Variants in FMN1 observed in about 807,000 individuals in gnomAD.
FMN1 encodes the protein formin-1.
A neutral mutation model predicts 132.4 loss-of-function variants in FMN1; 110 were observed. The observed-to-expected ratio is 0.83, with a 90% CI of 0.71 to 0.97. FMN1 has a LOEUF of 0.97. Among genes scored for constraint, FMN1 ranks in the 50% least tolerant of loss-of-function variants. The pLI, the probability that FMN1 is intolerant of heterozygous loss-of-function variation, is 0.00. For missense variants in FMN1, 1,792 were observed against 1,705.3 expected, an observed-to-expected ratio of 1.05 and a Z score of -0.90; for synonymous variants, 722 against 651.7, an observed-to-expected ratio of 1.11 and a Z score of -1.64.
chr15:33,089,089 T>A (rs950916180), intron 4 of FMN1, 115 bp from the exon 5 acceptor site: 8 of 808,138 alleles, frequency 9.9e-6, no homozygotes, highest in African/African-American at 8.7e-5. Flanking sequence ...TACTTTGCTT[T>A]CTAAGTTATA....
rs1313051805 is a variant in FMN1 at position 32,888,297 on chromosome 15, G to C, written c.3715-5C>G. On this transcript the variant is annotated splice_region_variant and splice_polypyrimidine_tract_variant and intron_variant, in intron 15 of 20. Coordinates refer to ENST00000616417, the MANE Select transcript of FMN1 (RefSeq NM_001277313.2). ...ACTCTTTTCTGTTCCAGCTTCCTAA[G>C]AGATATGGTAAACAAAAGTACATTA... 5.6e-6 allele frequency: 9 copies of C among 1,603,530 alleles called. No homozygotes were observed. The highest frequency in any genetic ancestry group is 7.7e-6 in the Non-Finnish European group (9 of 1,176,314).
At chr15:32,874,020 T>G (rs991811176) in intron 16 of FMN1, among the ~76,000 whole-genome samples, 5 of 146,190 alleles carry the variant, frequency 3.4e-5, no homozygotes, top group African/African-American at 5.2e-5. Flanking sequence ...TTTAGTTGTT[T>G]TTTTTTTTTT....
At chr15:33,118,696 C>T (rs1387923047) in intron 4 of FMN1, among the ~76,000 whole-genome samples, 1 of 151,968 alleles carries the variant, frequency 6.6e-6, no homozygotes, top group Non-Finnish European at 1.5e-5. Context: ...AAACAATTTC[C>T]ATATGAAATA....
intron 4 of FMN1, among the ~76,000 whole-genome samples, chr15:33,089,852 T>A (rs1470632060): frequency 6.6e-6 from 1 of 152,184 alleles, no homozygotes; most frequent in East Asian, 1.9e-4. Flanking sequence ...AACAAAAGGA[T>A]TTTACGGTCA....
chr15:32,823,152 GTTTTTTTTTTTTTT>G (rs373185751), intron 17 of FMN1, among the ~76,000 whole-genome samples: 106 of 86,204 alleles, frequency 1.2e-3, no homozygotes, highest in Middle Eastern at 0.018. Context: ...AGTTTCTACT[GTTTTTTTTTTTTTT>G]TTTTTTTTTT....
chr15:32,846,229 G>A (rs764248122), intron 17 of FMN1, among the ~76,000 whole-genome samples: 10 of 152,122 alleles, frequency 6.6e-5, no homozygotes, highest in Non-Finnish European at 1.5e-4. Flanking sequence ...AAAAAGTATT[G>A]CTTAATCTAA....
chr15:33,049,933 G>T (rs2036889733), intron 6 of FMN1, among the ~76,000 whole-genome samples: 1 of 152,118 alleles, frequency 6.6e-6, no homozygotes, highest in South Asian at 2.1e-4. Flanking sequence ...ATTGTTTATT[G>T]TTCAATTAAA....
At chr15:33,053,416 C>T (rs929347570) in intron 6 of FMN1, among the ~76,000 whole-genome samples, 2 of 152,200 alleles carry the variant, frequency 1.3e-5, no homozygotes, top group African/African-American at 4.8e-5. Flanking sequence ...CCAAACCCTG[C>T]ACTCGTTCAC....
intron 17 of FMN1, among the ~76,000 whole-genome samples, chr15:32,808,004 T>A (rs528437927): frequency 6.6e-6 from 1 of 152,294 alleles, no homozygotes; most frequent in Admixed American, 6.5e-5. Context: ...CACAAATACA[T>A]GACCTGGAAG....
At chr15:33,020,041 G>C (rs1029957452) in intron 6 of FMN1, among the ~76,000 whole-genome samples, 1 of 152,138 alleles carries the variant, frequency 6.6e-6, no homozygotes. Flanking sequence ...ATGCTTTCTA[G>C]TAAACCAGGA....
intron 3 of FMN1, among the ~76,000 whole-genome samples, chr15:33,171,615 T>A (rs923953913): frequency 2.0e-5 from 3 of 152,198 alleles, no homozygotes; most frequent in Non-Finnish European, 2.9e-5. Context: ...GGAATTTAAT[T>A]ATTAATGGAG....
At position 32,769,178 on chromosome 15, in the gene FMN1, G is replaced by T. The variant is rs1405059464; in HGVS notation, c.*5132C>A. ...CCAGCTGCCATTTTAATATCTTCATGTTTCCAAGTTGTTAACTACACGTTT... is the reference window on the plus strand; with the variant it reads ...CCAGCTGCCATTTTAATATCTTCATTTTTCCAAGTTGTTAACTACACGTTT... On this transcript the variant is annotated 3_prime_UTR_variant, in exon 21 of 21. Transcript: ENST00000616417. The T allele has an allele frequency of 1.3e-5, 2 of 152,158 alleles. No homozygotes were observed. Among genetic ancestry groups the T allele is most frequent in the Non-Finnish European group, 2.9e-5 (2 of 68,042 alleles). 9.4% of individuals were successfully genotyped at this position (152,158 alleles called of 1,614,324 possible).
chr15:32,774,250 CAA>C lies in FMN1; in HGVS notation c.*58_*59del. Reference sequence around the variant, plus strand: ...AGAACGTCCTGCAACCCTGTGGTCACAAAGAGTATGCGTGCAAGGTCCTCCAC... The same window carrying C: ...AGAACGTCCTGCAACCCTGTGGTCACAGAGTATGCGTGCAAGGTCCTCCAC... On this transcript the variant is annotated 3_prime_UTR_variant, in exon 21 of 21. Coordinates refer to ENST00000616417, the MANE Select transcript of FMN1 (RefSeq NM_001277313.2). 1 of 1,319,708 alleles carries C rather than the reference CAA, an allele frequency of 7.6e-7. No homozygotes were observed. Among genetic ancestry groups the C allele is most frequent in the East Asian group, 2.4e-5 (1 of 42,228 alleles). The allele number at this position is 1,319,708 out of a possible 1,614,324, so 81.7% of individuals were successfully genotyped here. A position where few individuals can be genotyped will look rare whatever the true frequency, so the allele number is the denominator to read the frequency against.
At chr15:32,977,747 A>C (rs1234876891) in intron 7 of FMN1, among the ~76,000 whole-genome samples, 1 of 152,216 alleles carries the variant, frequency 6.6e-6, no homozygotes, top group East Asian at 1.9e-4. Context: ...GTATTATCTA[A>C]GCAATATAAA....
chr15:33,066,147 A>T (rs978614225), intron 5 of FMN1, among the ~76,000 whole-genome samples: 1 of 152,182 alleles, frequency 6.6e-6, no homozygotes, highest in Non-Finnish European at 1.5e-5. Context: ...GCGGAGGTAT[A>T]ATTAAGGGGT....
At chr15:33,150,702 G>A (rs1017433292) in intron 4 of FMN1, 66 of 985,424 alleles carry the variant, frequency 6.7e-5, no homozygotes, top group African/African-American at 3.3e-4. Context: ...GATTACTTTT[G>A]CCAGACTTAA....
intron 6 of FMN1, among the ~76,000 whole-genome samples, chr15:33,011,484 A>G (rs926840999): frequency 2.6e-5 from 4 of 152,046 alleles, no homozygotes; most frequent in African/African-American, 9.7e-5. Flanking sequence ...TATAAAATTT[A>G]TCTTATAGCA....
intron 4 of FMN1, among the ~76,000 whole-genome samples, chr15:33,127,078 CTG>C (rs1448032694): frequency 6.6e-6 from 1 of 152,172 alleles, no homozygotes; most frequent in South Asian, 2.1e-4. Flanking sequence ...TTTCCAGGCA[CTG>C]TATCAGGAGC....
At chr15:33,162,772 G>A (rs1299606631) in intron 3 of FMN1, among the ~76,000 whole-genome samples, 2 of 152,152 alleles carry the variant, frequency 1.3e-5, no homozygotes, top group Non-Finnish European at 2.9e-5. Context: ...TCAAGAATGA[G>A]GAGCTGGGGA....
Sources: allele counts gnomAD v4.1 joint callset (sites outside exome capture counted in the v4.1 genomes callset), GRCh38; gene constraint gnomAD v4.1.1; transcripts MANE v1.5; gene names NCBI Gene and HGNC (gene_info 2026-07-23, HGNC 2026-07-21).